Variants in SMAP1 observed in about 807,000 individuals in gnomAD.
SMAP1 encodes the protein small ArfGAP 1.
In SMAP1, 24 loss-of-function variants were observed where a neutral mutation model predicts 58.5. That is an observed-to-expected ratio of 0.41 (90% CI 0.30 to 0.58). The LOEUF (loss-of-function observed/expected upper bound fraction) is 0.58. SMAP1 is among the 20% of genes least tolerant of loss of function. The pLI is 0.29. For synonymous variants in SMAP1, 216 were observed against 196.6 expected (o/e 1.10, Z -0.82); for missense variants, 563 against 566.3 (o/e 0.99, Z 0.06).
rs566262889 is a variant in SMAP1, at chr6:70,738,124, A to G, written c.252+5613A>G. ...TCGTGTGGCTGGGATTTAAGCATTC[A>G]CTAGGTAGATGAGGAGTAGTTTAGA... On this transcript the variant is annotated intron_variant, in intron 2 of 10. Transcript: ENST00000370455. 3.7e-4 allele frequency among the ~76,000 whole-genome samples: 56 copies of G among 152,292 alleles called. No homozygotes were observed. The South Asian group carries it at 0.011, about 31-fold the overall frequency.
At chr6:70,704,411 A>C (rs949294003) in intron 1 of SMAP1, among the ~76,000 whole-genome samples, 4 of 152,188 alleles carry the variant, frequency 2.6e-5, no homozygotes, top group African/African-American at 9.6e-5. Flanking sequence ...TTCATATATA[A>C]ATTTGATTGT....
intron 2 of SMAP1, among the ~76,000 whole-genome samples, chr6:70,748,621 A>C (rs1766145619): frequency 6.6e-6 from 1 of 152,060 alleles, no homozygotes; most frequent in Non-Finnish European, 1.5e-5. Flanking sequence ...TTCTGATTCA[A>C]GTGCTGCTTG....
chr6:70,800,347 G>C (rs1768790648), intron 6 of SMAP1, among the ~76,000 whole-genome samples: 1 of 151,876 alleles, frequency 6.6e-6, no homozygotes, highest in African/African-American at 2.4e-5. Flanking sequence ...TCATAGGCCT[G>C]GTTCAGGTCT....
In SMAP1 at chr6:70,711,747, C is replaced by A. The variant is rs183899819; in HGVS notation, c.119-20631C>A. 1.3e-3 allele frequency among the ~76,000 whole-genome samples: 199 copies of A among 152,116 alleles called. 1 individual carries two copies. The highest frequency in any genetic ancestry group is 4.6e-3 in the African/African-American group (190 of 41,520). On this transcript the variant is annotated intron_variant, in intron 1 of 10. Coordinates refer to ENST00000370455, the MANE Select transcript of SMAP1 (RefSeq NM_001044305.3). ...TTCACTATGTTGGCCAGGCTGGTCT[C>A]GAACTCCTGACCTCAGGTGATCCAC...
intron 6 of SMAP1, among the ~76,000 whole-genome samples, chr6:70,805,590 T>C (rs1021844614): frequency 6.6e-6 from 1 of 152,196 alleles, no homozygotes; most frequent in Non-Finnish European, 1.5e-5. Flanking sequence ...GGGCTCTGGT[T>C]TTATAATTTT....
intron 2 of SMAP1, among the ~76,000 whole-genome samples, chr6:70,750,403 T>C (rs766998054): frequency 2.6e-5 from 4 of 152,202 alleles, no homozygotes; most frequent in African/African-American, 7.2e-5. Context: ...TAAGCAAATG[T>C]CATTTAAAAT....
At chr6:70,736,055 C>T (rs1765605429) in intron 2 of SMAP1, among the ~76,000 whole-genome samples, 1 of 151,716 alleles carries the variant, frequency 6.6e-6, no homozygotes. Flanking sequence ...CTAAGTTTTT[C>T]CTCAAGGTTA....
intron 4 of SMAP1, 42 bp from the exon 5 acceptor site, chr6:70,791,647 T>G (rs1310710225): frequency 6.5e-7 from 1 of 1,534,714 alleles, no homozygotes; most frequent in Non-Finnish European, 8.9e-7. Flanking sequence ...CATTACCTTC[T>G]TTTTGTTTTT....
chr6:70,783,912 G>T (rs1767882121), intron 4 of SMAP1, among the ~76,000 whole-genome samples: 1 of 152,226 alleles, frequency 6.6e-6, no homozygotes, highest in Non-Finnish European at 1.5e-5. Flanking sequence ...CCCCAATCTA[G>T]CAAGGAAGGC....
At chr6:70,692,116 A>G (rs930029163) in intron 1 of SMAP1, among the ~76,000 whole-genome samples, 1 of 152,170 alleles carries the variant, frequency 6.6e-6, no homozygotes, top group African/African-American at 2.4e-5. Flanking sequence ...AGTCTTTTGC[A>G]TAAAAGCCAT....
intron 6 of SMAP1, among the ~76,000 whole-genome samples, chr6:70,832,917 G>A (rs1770420300): frequency 6.6e-6 from 1 of 152,148 alleles, no homozygotes; most frequent in Non-Finnish European, 1.5e-5. Context: ...TCCAACAATA[G>A]CATCTCCTGA....
At chr6:70,724,422 C>T (rs961795426) in intron 1 of SMAP1, among the ~76,000 whole-genome samples, 1 of 152,158 alleles carries the variant, frequency 6.6e-6, no homozygotes, top group African/African-American at 2.4e-5. Flanking sequence ...TCTTGAACTC[C>T]TGACCTCAGG....
At chr6:70,780,686 T>C (rs1215729735) in intron 4 of SMAP1, among the ~76,000 whole-genome samples, 1 of 152,242 alleles carries the variant, frequency 6.6e-6, no homozygotes, top group East Asian at 1.9e-4. Flanking sequence ...GTTTAAGAGA[T>C]ACAAGAGGAC....
At chr6:70,815,457 G>A (rs569289462) in intron 6 of SMAP1, among the ~76,000 whole-genome samples, 4 of 152,286 alleles carry the variant, frequency 2.6e-5, no homozygotes, top group East Asian at 3.8e-4. Flanking sequence ...GACTATGTAT[G>A]TAAGATGTGT....
At chr6:70,793,276 A>T (rs1227641822) in intron 5 of SMAP1, among the ~76,000 whole-genome samples, 1 of 151,914 alleles carries the variant, frequency 6.6e-6, no homozygotes, top group African/African-American at 2.4e-5. Flanking sequence ...CTTGTGATCC[A>T]CCCGACTCGG....
At chr6:70,731,176 ATATGATTC>A (rs2149860267) in intron 1 of SMAP1, among the ~76,000 whole-genome samples, 1 of 152,376 alleles carries the variant, frequency 6.6e-6, no homozygotes, top group South Asian at 2.1e-4. Flanking sequence ...TCTGTTAGTA[ATATGATTC>A]TGAATATTTG....
At chr6:70,728,361 A>G (rs983132954) in intron 1 of SMAP1, among the ~76,000 whole-genome samples, 2 of 152,230 alleles carry the variant, frequency 1.3e-5, no homozygotes, top group Non-Finnish European at 2.9e-5. Flanking sequence ...ATTTCTAGGT[A>G]AAATTCAGAA....
At chr6:70,851,455 G>A (rs1418161960) in intron 7 of SMAP1, among the ~76,000 whole-genome samples, 4 of 152,216 alleles carry the variant, frequency 2.6e-5, no homozygotes, top group Admixed American at 1.3e-4. Context: ...AAAGATGACA[G>A]ATTTCCCTTT....
In SMAP1 at chr6:70,779,855, G is replaced by T. The variant is rs553210341; in HGVS notation, c.414+6430G>T. Among the ~76,000 whole-genome samples, 16 of 152,318 alleles carry T rather than the reference G, an allele frequency of 1.1e-4. No homozygotes were observed. In the South Asian group the frequency reaches 3.3e-3, roughly 32 times the overall value. On this transcript the variant is annotated intron_variant, in intron 4 of 10. Transcript: ENST00000370455. Reference sequence around the variant, plus strand: ...GCAGTGATGCTAGTGCTGGGGAGTGGCTACAAACACAGATCAACATTGGCA... The same window carrying T: ...GCAGTGATGCTAGTGCTGGGGAGTGTCTACAAACACAGATCAACATTGGCA...
Sources: gnomAD v4.1 joint callset for allele counts (sites outside exome capture counted in the v4.1 genomes callset) on GRCh38, gnomAD v4.1.1 for gene constraint, MANE v1.5 for transcripts, NCBI Gene and HGNC (gene_info 2026-07-23, HGNC 2026-07-21) for gene names.